The following USP31 variants were observed in gnomAD, a reference collection of about 807,000 sequenced individuals.
USP31 encodes ubiquitin specific peptidase 31.
In USP31, 44 loss-of-function variants were observed where a neutral mutation model predicts 119.4. That is an observed-to-expected ratio of 0.37 (90% confidence interval 0.29 to 0.47). USP31 has a LOEUF of 0.47. Ranked by LOEUF, USP31 falls within the 20% of genes least tolerant of loss-of-function variation. USP31 has a pLI of 0.99. For missense variants in USP31, 1,643 were observed against 1,730.2 expected (o/e 0.95, Z 0.89); for synonymous variants, 749 against 705.6 (o/e 1.06, Z -0.97).
chr16:23,120,430 T>C (rs1459634202), intron 1 of USP31, among the ~76,000 whole-genome samples: 1 of 152,236 alleles, frequency 6.6e-6, no homozygotes. Context: ...GACAGACCTA[T>C]GGAGCTTTAA....
At chr16:23,090,476 G>A in intron 7 of USP31, 148 bp downstream of exon 7, 1 of 790,736 alleles carries the variant, frequency 1.3e-6, no homozygotes, top group Non-Finnish European at 1.8e-6. Context: ...CCCCAAATCA[G>A]GTCAACTTGT....
intron 1 of USP31, chr16:23,115,918 G>T: frequency 4.6e-6 from 2 of 431,814 alleles, no homozygotes; most frequent in Non-Finnish European, 6.2e-6. Context: ...TAGAGCCCTA[G>T]TAAAGAGGTC....
rs757090285 is a variant in USP31, at chr16:23,148,787, G to C, written c.484C>G (p.Arg162Gly). 5.2e-6 allele frequency: 8 copies of C among 1,533,534 alleles called. No individual in the cohort carries two copies. The highest frequency in any genetic ancestry group is 2.7e-5 in the East Asian group (1 of 37,320). The allele number at this position is 1,533,534 out of a possible 1,614,324, so 95.0% of individuals were successfully genotyped here. A position where few individuals can be genotyped will look rare whatever the true frequency, so the allele number is the denominator to read the frequency against. Residue 162 changes from arginine to glycine, a missense_variant, in exon 1 of 16, where the codon CGG (arginine) becomes GGG (glycine). Physicochemically the swap from Arg to Gly is moderately radical, Grantham distance 125 (BLOSUM62 -2). This residue lies in a region of USP31 where 302 missense variants were observed against 262.6 expected (regional missense o/e 1.15). Coordinates refer to ENST00000219689, the MANE Select transcript of USP31 (RefSeq NM_020718.4). ...FAEYLALGQY[R>G]AGRPEPSPDP... ...GGCGAGGGCTCGGGCCGCCCCGCCC[G>C]GTACTGGCCCAGCGCCAGGTACTCG...
chr16:23,140,879 A>C (rs1274354158), intron 1 of USP31, among the ~76,000 whole-genome samples: 1 of 152,168 alleles, frequency 6.6e-6, no homozygotes, highest in Non-Finnish European at 1.5e-5. Flanking sequence ...GTCTTGCCAC[A>C]AATCAATCCA....
rs577349980 is a variant in USP31, at chr16:23,065,920, G to A, written c.*2126C>T. On this transcript the variant is annotated 3_prime_UTR_variant, in exon 16 of 16. Coordinates refer to ENST00000219689, the MANE Select transcript of USP31 (RefSeq NM_020718.4). The stretch of plus-strand genomic sequence containing the variant: ...TCTACCTATTAAACAAAAATGAGAG[G>A]TTTGAGTTAGACATTCAATTCCTGA... 2 of 152,286 alleles carry A rather than the reference G, an allele frequency of 1.3e-5. No individual in the cohort carries two copies. Among genetic ancestry groups the A allele is most frequent in the East Asian group, 3.9e-4 (2 of 5,186 alleles). 9.4% of individuals were successfully genotyped at this position (152,286 alleles called of 1,614,324 possible). A position where few individuals can be genotyped will look rare whatever the true frequency, so the allele number is the denominator to read the frequency against.
At chr16:23,106,374 G>A in intron 3 of USP31, 25 bp downstream of exon 3, 2 of 1,613,576 alleles carry the variant, frequency 1.2e-6, no homozygotes, top group East Asian at 2.2e-5. Flanking sequence ...AACAAAATAA[G>A]TGGAAACATC....
intron 1 of USP31, among the ~76,000 whole-genome samples, chr16:23,135,137 TAAAA>T (rs71151697): frequency 6.3e-5 from 8 of 127,842 alleles, no homozygotes; most frequent in East Asian, 2.3e-4. Context: ...TTTCATGATT[TAAAA>T]AAAAAAAAAA....
chr16:23,126,338 A>AG (rs1902852519), intron 1 of USP31, among the ~76,000 whole-genome samples: 1 of 150,610 alleles, frequency 6.6e-6, no homozygotes, highest in Admixed American at 6.6e-5. Context: ...AAAAAAAAAA[A>AG]AAAAGGCTGG....
At position 23,085,105 on chromosome 16, in the gene USP31, A is replaced by G. The variant is rs1442379688; in HGVS notation, c.1701-116T>C. The G allele has an allele frequency of 1.3e-5, 19 of 1,423,462 alleles. No homozygotes were observed. The East Asian group carries it at 2.6e-4, about 19-fold the overall frequency. 88.2% of individuals were successfully genotyped at this position (1,423,462 alleles called of 1,614,324 possible). On this transcript the variant is annotated intron_variant, in intron 10 of 15. Coordinates refer to ENST00000219689, the MANE Select transcript of USP31 (RefSeq NM_020718.4). ...CATAACCGAAGGAAAAAAAAAATCA[A>G]TGTGTAAGAAAACAAAAGTAGTGAC... is the stretch of plus-strand genomic sequence containing the variant.
intron 12 of USP31, among the ~76,000 whole-genome samples, chr16:23,082,067 T>C (rs1305836158): frequency 6.6e-6 from 1 of 152,178 alleles, no homozygotes; most frequent in Non-Finnish European, 1.5e-5. Context: ...TTATGACTCA[T>C]CTCCCCAACC....
intron 1 of USP31, among the ~76,000 whole-genome samples, chr16:23,130,073 C>T (rs748773166): frequency 3.3e-5 from 5 of 152,312 alleles, no homozygotes; most frequent in African/African-American, 9.6e-5. Flanking sequence ...CCTCAGGTCT[C>T]AGAATCTGAA....
intron 6 of USP31, among the ~76,000 whole-genome samples, chr16:23,101,970 TAAA>T (rs34773118): frequency 5.5e-4 from 47 of 85,526 alleles, no homozygotes; most frequent in African/African-American, 1.4e-3. Flanking sequence ...TAGCAAAATT[TAAA>T]AAAAAAAAAA....
At chr16:23,102,945 G>A (rs1596712465) in intron 5 of USP31, among the ~76,000 whole-genome samples, 2 of 152,278 alleles carry the variant, frequency 1.3e-5, no homozygotes, top group Admixed American at 6.5e-5. Context: ...GATATGCTTA[G>A]GTTCTATGTA....
chr16:23,139,595 T>C (rs1022062430), intron 1 of USP31, among the ~76,000 whole-genome samples: 2 of 152,130 alleles, frequency 1.3e-5, no homozygotes, highest in African/African-American at 4.8e-5. Flanking sequence ...TCATTTTTAG[T>C]TTCCCTCAAA....
chr16:23,114,454 A>G (rs1042087315), intron 1 of USP31, among the ~76,000 whole-genome samples: 44 of 147,254 alleles, frequency 3.0e-4, no homozygotes, highest in Admixed American at 9.5e-4. Flanking sequence ...AAAAATAGGA[A>G]AAAAAAAAAA....
intron 6 of USP31, among the ~76,000 whole-genome samples, chr16:23,097,063 T>C (rs997050328): frequency 6.6e-6 from 1 of 151,842 alleles, no homozygotes; most frequent in African/African-American, 2.4e-5. Flanking sequence ...AGCTGGTTTT[T>C]TGAAAAGATC....
At chr16:23,125,490 A>G (rs138786383) in intron 1 of USP31, among the ~76,000 whole-genome samples, 1,543 of 152,320 alleles carry the variant, frequency 0.01, 11 homozygotes, top group South Asian at 0.046. Flanking sequence ...CCAGCTGGAT[A>G]TAAAATAAAA....
chr16:23,104,432 G>C (rs1420259537), intron 5 of USP31, among the ~76,000 whole-genome samples: 1 of 152,192 alleles, frequency 6.6e-6, no homozygotes, highest in Non-Finnish European at 1.5e-5. Context: ...AACCAGATTT[G>C]CCCTGGACAC....
In USP31 at chr16:23,072,454, T is replaced by C. The variant is rs568415208; in HGVS notation, c.2336-257A>G. On this transcript the variant is annotated intron_variant, in intron 14 of 15. Transcript: ENST00000219689. ...AATGCAAGGATAGGGATGAATACTT[T>C]ATAATGTAAGTCTGAGTCTAAAGAA... is the stretch of plus-strand genomic sequence containing the variant. 64 of 600,254 alleles carry C rather than the reference T, an allele frequency of 1.1e-4. No individual in the cohort carries two copies. The South Asian group carries it at 1.2e-3, about 12-fold the overall frequency. 37.2% of individuals were successfully genotyped at this position (600,254 alleles called of 1,614,324 possible).
Sources: allele counts gnomAD v4.1 joint callset (sites outside exome capture counted in the v4.1 genomes callset), GRCh38; gene constraint gnomAD v4.1.1; regional missense constraint gnomAD v4.1.1; transcripts MANE v1.5; gene names NCBI Gene and HGNC (gene_info 2026-07-23, HGNC 2026-07-21).